Variants in JPH2 observed in about 807,000 individuals in gnomAD.
JPH2 encodes the protein junctophilin 2.
In JPH2, 38 loss-of-function variants were observed where a neutral mutation model predicts 55.9. The ratio of observed to expected loss-of-function variants is 0.68; its 90% CI spans 0.52 to 0.89. The LOEUF (loss-of-function observed/expected upper bound fraction) is 0.89. Among genes scored for constraint, JPH2 ranks in the 40% least tolerant of loss-of-function variants. The probability of loss-of-function intolerance (pLI) is 0.00; values close to 1 mark genes in which losing one functional copy is unlikely to be tolerated. For missense variants in JPH2, 964 were observed against 1,037.6 expected (o/e 0.93, Z 0.97); for synonymous variants, 480 against 472.4 (o/e 1.02, Z -0.21).
chr20:44,143,913 G>A (rs923740556), intron 2 of JPH2, among the ~76,000 whole-genome samples: 1 of 152,122 alleles, frequency 6.6e-6, no homozygotes, highest in African/African-American at 2.4e-5. Context: ...GTAGTGAAGA[G>A]AGAGAGACAA....
chr20:44,143,999 T>C (rs968260617), intron 2 of JPH2, among the ~76,000 whole-genome samples: 1 of 152,080 alleles, frequency 6.6e-6, no homozygotes, highest in East Asian at 1.9e-4. Flanking sequence ...AGGGGTGGCA[T>C]GGAGGCAAGG....
In JPH2 at chr20:44,160,314, G is replaced by T. The variant is rs1375422053; in HGVS notation, c.473C>A (p.Pro158Gln). 1.9e-6 allele frequency: 3 copies of T among 1,560,130 alleles called. No homozygotes were observed. Among genetic ancestry groups the T allele is most frequent in the African/African-American group, 2.7e-5 (2 of 73,664 alleles). Residue 158 changes from proline (P) to glutamine (Q), a missense_variant, in exon 2 of 6, where the codon CCG (proline) becomes CAG (glutamine). Coordinates refer to ENST00000372980, the MANE Select transcript of JPH2 (RefSeq NM_020433.5). The surrounding 1 kb of genome is among the most constrained non-coding windows in gnomAD (Gnocchi z 4.9). ...PYGMAVVVRSPLRTSLSSLRS... is the reference protein window; with the variant it reads ...PYGMAVVVRSQLRTSLSSLRS... The stretch of plus-strand genomic sequence containing the variant: ...CAGGGACGACAGCGACGTGCGCAGC[G>T]GCGAGCGCACCACCACGGCCATCCC...
intron 1 of JPH2, among the ~76,000 whole-genome samples, chr20:44,165,586 G>T (rs2072650304): frequency 1.3e-5 from 2 of 152,142 alleles, no homozygotes. Flanking sequence ...TTCTCACTCA[G>T]AAGAAAAGCT....
intron 2 of JPH2, among the ~76,000 whole-genome samples, chr20:44,151,600 C>T (rs2072531369): frequency 6.6e-6 from 1 of 152,158 alleles, no homozygotes; most frequent in Non-Finnish European, 1.5e-5. Flanking sequence ...TAGGAAGGGG[C>T]AGCTTCCCCC....
At chr20:44,146,325 C>T (rs1225337953) in intron 2 of JPH2, among the ~76,000 whole-genome samples, 2 of 152,050 alleles carry the variant, frequency 1.3e-5, no homozygotes, top group Non-Finnish European at 2.9e-5. Context: ...GAGCCACTGC[C>T]CCTGGCCCAC....
Position 44,160,441 on chromosome 20 carries a change from C to A in JPH2, c.380-34G>T. 1 of 1,598,726 alleles carries A rather than the reference C, an allele frequency of 6.3e-7. No individual in the cohort carries two copies. The highest frequency in any genetic ancestry group is 8.5e-7 in the Non-Finnish European group (1 of 1,174,082). On this transcript the variant is annotated intron_variant, in intron 1 of 5. Coordinates refer to ENST00000372980, the MANE Select transcript of JPH2 (RefSeq NM_020433.5). This position sits in a 1 kb window ranked among gnomAD's most constrained non-coding sequence, Gnocchi z 4.9. Reference sequence around the variant, plus strand: ...GAGGAGAGGGCGCGTCAGTAGGCGGCACGACGGGTCCCCGCGTGTGCACGG... The same window carrying A: ...GAGGAGAGGGCGCGTCAGTAGGCGGAACGACGGGTCCCCGCGTGTGCACGG...
At chr20:44,114,571 T>A (rs888606970) in intron 5 of JPH2, among the ~76,000 whole-genome samples, 6 of 27,200 alleles carry the variant, frequency 2.2e-4, no homozygotes, top group African/African-American at 6.0e-4. Flanking sequence ...AGTAAGTGTG[T>A]GTGTGTGTGT....
intron 2 of JPH2, among the ~76,000 whole-genome samples, chr20:44,127,784 G>A (rs1004687816): frequency 4.6e-5 from 7 of 152,080 alleles, no homozygotes; most frequent in African/African-American, 7.2e-5. Flanking sequence ...CACCGCGCCC[G>A]GCCCATCCTT....
intron 2 of JPH2, among the ~76,000 whole-genome samples, chr20:44,146,620 T>G (rs957655620): frequency 2.6e-5 from 4 of 152,174 alleles, no homozygotes; most frequent in African/African-American, 9.7e-5. Context: ...TCAGTCTCTC[T>G]TAGTGGAACT....
Position 44,134,296 on chromosome 20 carries a change from A to AT in JPH2, c.1170-15674_1170-15673insA, listed in dbSNP as rs2072364820. 2.7e-4 allele frequency among the ~76,000 whole-genome samples: 2 copies of AT among 7,480 alleles called. 1 individual carries two copies. Among genetic ancestry groups the AT allele is most frequent in the Non-Finnish European group, 6.2e-4 (2 of 3,238 alleles). The allele number at this position is 7,480 out of a possible 152,430, so 4.9% of individuals were successfully genotyped here. A position where few individuals can be genotyped will look rare whatever the true frequency, so the allele number is the denominator to read the frequency against. On this transcript the variant is annotated intron_variant, in intron 2 of 5. Transcript: ENST00000372980. ...TATATACATATAAATATTTATTATAAATATAATAAATATTTATTATAAATA... is the reference window on the plus strand; with the variant it reads ...TATATACATATAAATATTTATTATAATATATAATAAATATTTATTATAAATA...
intron 2 of JPH2, among the ~76,000 whole-genome samples, chr20:44,144,434 G>A (rs532994537): frequency 6.6e-6 from 1 of 152,278 alleles, no homozygotes; most frequent in South Asian, 2.1e-4. Context: ...AACCTTGGGG[G>A]GACAGGGCTG....
intron 2 of JPH2, among the ~76,000 whole-genome samples, chr20:44,129,584 C>T (rs1181212402): frequency 1.4e-5 from 2 of 147,552 alleles, no homozygotes; most frequent in East Asian, 4.1e-4. Flanking sequence ...AAAAACAAAA[C>T]CATTGCTGCT....
chr20:44,181,796 C>A (rs74916123), intron 1 of JPH2, among the ~76,000 whole-genome samples: 1 of 152,150 alleles, frequency 6.6e-6, no homozygotes, highest in East Asian at 1.9e-4. Flanking sequence ...TGAATGCCTG[C>A]GTCTGGTCAG....
At chr20:44,126,493 G>T (rs2072278241) in intron 2 of JPH2, among the ~76,000 whole-genome samples, 1 of 151,982 alleles carries the variant, frequency 6.6e-6, no homozygotes, top group Non-Finnish European at 1.5e-5. Context: ...TCCCAAAATA[G>T]CCCCTCATCC....
chr20:44,175,335 C>T (rs892006911), intron 1 of JPH2, among the ~76,000 whole-genome samples: 11 of 152,182 alleles, frequency 7.2e-5, no homozygotes, highest in African/African-American at 2.7e-4. Flanking sequence ...GTGGGTCCAC[C>T]TCTGTCTTTT....
intron 2 of JPH2, among the ~76,000 whole-genome samples, chr20:44,120,672 CAGA>C (rs1385347933): frequency 8.6e-5 from 13 of 151,848 alleles, no homozygotes; most frequent in East Asian, 1.9e-4. Flanking sequence ...TTCCATGGGC[CAGA>C]AGAAGAAGAA....
chr20:44,115,519 C>G lies in JPH2; in HGVS notation c.2010+146G>C, dbSNP rs6103631. ...GCCAAGGCTATGCTCCCCTAATCCC[C>G]AGCCCTGCAGCATTTCCTCCTGCTC... is the stretch of plus-strand genomic sequence containing the variant. On this transcript the variant is annotated intron_variant, in intron 4 of 5. Transcript: ENST00000372980. 0.091 allele frequency: 104,562 copies of G among 1,145,512 alleles called. 5,626 individuals carry two copies. The highest frequency in any genetic ancestry group is 0.18 in the African/African-American group (11,739 of 65,488). 71.0% of individuals were successfully genotyped at this position (1,145,512 alleles called of 1,614,324 possible).
At position 44,160,521 on chromosome 20, in the gene JPH2, C is replaced by T. The variant is rs2145879924; in HGVS notation, c.380-114G>A. The T allele has an allele frequency of 6.4e-6, 7 of 1,085,424 alleles. No homozygotes were observed. The South Asian group carries it at 9.4e-5, about 15-fold the overall frequency. The allele number at this position is 1,085,424 out of a possible 1,614,324, so 67.2% of individuals were successfully genotyped here. A position where few individuals can be genotyped will look rare whatever the true frequency, so the allele number is the denominator to read the frequency against. On this transcript the variant is annotated intron_variant, in intron 1 of 5. Coordinates refer to ENST00000372980, the MANE Select transcript of JPH2 (RefSeq NM_020433.5). The surrounding 1 kb of genome is among the most constrained non-coding windows in gnomAD (Gnocchi z 4.9). ...CAAGGCGGGGTGGGACCGAGAGGCGCAAGGCCGTCTGAGGGTCAGGGTGCA... is the reference window on the plus strand; with the variant it reads ...CAAGGCGGGGTGGGACCGAGAGGCGTAAGGCCGTCTGAGGGTCAGGGTGCA...
intron 2 of JPH2, among the ~76,000 whole-genome samples, chr20:44,149,469 A>T (rs991981311): frequency 2.0e-5 from 3 of 152,246 alleles, no homozygotes; most frequent in African/African-American, 4.8e-5. Flanking sequence ...GTGCATGTGC[A>T]TGTGTGTAGC....
Sources: allele counts gnomAD v4.1 joint callset (sites outside exome capture counted in the v4.1 genomes callset), GRCh38; gene constraint gnomAD v4.1.1; non-coding constraint Gnocchi (gnomAD v3.1); transcripts MANE v1.5; gene names NCBI Gene and HGNC (gene_info 2026-07-23, HGNC 2026-07-21).